DSCAM: variants seen among roughly 807,000 people sequenced by gnomAD.
The protein encoded by DSCAM is cell adhesion molecule DSCAM.
Under a neutral mutation model 217.7 loss-of-function variants are expected in DSCAM, and 47 were observed. That is an observed-to-expected ratio of 0.22 (90% CI 0.17 to 0.28). The LOEUF is 0.28. Ranked by LOEUF, DSCAM falls within the 10% of genes least tolerant of loss-of-function variation. The pLI, the probability that DSCAM is intolerant of heterozygous loss-of-function variation, is 1.00. For missense variants in DSCAM, 2,080 were observed against 2,618.3 expected (o/e 0.79, Z 4.49); for synonymous variants, 1,056 against 1,015.3 (o/e 1.04, Z -0.76).
intron 8 of DSCAM, among the ~76,000 whole-genome samples, chr21:40,329,326 C>CA (rs912798884): frequency 4.6e-5 from 7 of 151,374 alleles, no homozygotes; most frequent in African/African-American, 1.2e-4. Context: ...CAATGGTTGC[C>CA]AAAAAAAGGG....
At chr21:40,442,618 CAAG>C (rs1177269559) in intron 3 of DSCAM, among the ~76,000 whole-genome samples, 69 of 142,808 alleles carry the variant, frequency 4.8e-4, no homozygotes, top group African/African-American at 1.7e-3. Flanking sequence ...CTCCCAGGTT[CAAG>C]AAGTTCTTCT....
Position 40,708,632 on chromosome 21 carries a change from G to C in DSCAM, c.183C>G (p.Ala61=), listed in dbSNP as rs769438134. ...IPPVTLRWYL[A]TGEEIYDVPG... is the part of the protein sequence containing the mutation. ...GGACATCGTAGATCTCCTCGCCCGT[G>C]GCTAGGTACCATCTGAGAGTCACAG... is the stretch of plus-strand genomic sequence containing the variant. Residue 61 remains alanine (A), a synonymous_variant, in exon 2 of 33, where the codon GCC becomes GCG. Coordinates refer to ENST00000400454, the MANE Select transcript of DSCAM (RefSeq NM_001389.5). 3.1e-6 allele frequency: 5 copies of C among 1,613,348 alleles called. No individual in the cohort carries two copies. Among genetic ancestry groups the C allele is most frequent in the Non-Finnish European group, 4.2e-6 (5 of 1,179,682 alleles).
At chr21:40,353,244 T>TTTC (rs2074653084) in intron 5 of DSCAM, among the ~76,000 whole-genome samples, 1 of 152,210 alleles carries the variant, frequency 6.6e-6, no homozygotes, top group Admixed American at 6.5e-5. Context: ...ATCAGAAAGA[T>TTTC]TTCAAATCAA....
At chr21:40,546,921 G>A (rs1258475786) in intron 3 of DSCAM, among the ~76,000 whole-genome samples, 1 of 152,086 alleles carries the variant, frequency 6.6e-6, no homozygotes, top group Non-Finnish European at 1.5e-5. Context: ...GGGCTGGGGT[G>A]GGAGCCTGGA....
chr21:40,345,247 A>G (rs1156767422), intron 6 of DSCAM, among the ~76,000 whole-genome samples: 1 of 151,978 alleles, frequency 6.6e-6, no homozygotes, highest in African/African-American at 2.4e-5. Flanking sequence ...ATTTGTTTCT[A>G]TCGTTTGCTT....
At position 40,416,051 on chromosome 21, in the gene DSCAM, T is replaced by C. The variant is rs147834701; in HGVS notation, c.509-46806A>G. Among the ~76,000 whole-genome samples the C allele has an allele frequency of 4.3e-3, 651 of 152,216 alleles. 1 individual carries two copies. The highest frequency in any genetic ancestry group is 6.4e-3 in the South Asian group (31 of 4,828). On this transcript the variant is annotated intron_variant, in intron 3 of 32. Transcript: ENST00000400454. Reference sequence around the variant, plus strand: ...GACTTCATCAGTTTTTCTGTGCAAATATATTTTTTTCAATAAAATGACCTG... The same window carrying C: ...GACTTCATCAGTTTTTCTGTGCAAACATATTTTTTTCAATAAAATGACCTG...
intron 1 of DSCAM, among the ~76,000 whole-genome samples, chr21:40,843,983 A>C (rs961102461): frequency 1.3e-5 from 2 of 152,112 alleles, no homozygotes; most frequent in African/African-American, 4.8e-5. Context: ...AATGAAAAAA[A>C]AAAGTTATCA....
intron 1 of DSCAM, 42 bp from the exon 2 acceptor site, chr21:40,708,813 T>A: frequency 7.4e-7 from 1 of 1,356,086 alleles, no homozygotes; most frequent in Non-Finnish European, 9.7e-7. Context: ...GAGTAAAACA[T>A]GCCTTTGACA....
At chr21:40,772,732 G>A (rs1244321231) in intron 1 of DSCAM, among the ~76,000 whole-genome samples, 3 of 152,198 alleles carry the variant, frequency 2.0e-5, no homozygotes, top group East Asian at 3.9e-4. Flanking sequence ...GGCATCTGCT[G>A]TGCTGTGCAA....
At chr21:40,515,094 T>C (rs972180891) in intron 3 of DSCAM, among the ~76,000 whole-genome samples, 2 of 152,222 alleles carry the variant, frequency 1.3e-5, no homozygotes, top group Non-Finnish European at 2.9e-5. Context: ...ATTAGTAGGG[T>C]AATTCCTACT....
chr21:40,723,188 C>T (rs1001878186), intron 1 of DSCAM, among the ~76,000 whole-genome samples: 1 of 150,712 alleles, frequency 6.6e-6, no homozygotes, highest in Non-Finnish European at 1.5e-5. Flanking sequence ...GGTTAAGAAA[C>T]TGTGAGTAGA....
intron 1 of DSCAM, among the ~76,000 whole-genome samples, chr21:40,719,226 C>T (rs2090876151): frequency 6.6e-6 from 1 of 152,120 alleles, no homozygotes; most frequent in South Asian, 2.1e-4. Context: ...TGCCACTGGT[C>T]ATTAAGAAAA....
At chr21:40,260,437 T>C (rs932721831) in intron 11 of DSCAM, among the ~76,000 whole-genome samples, 6 of 152,240 alleles carry the variant, frequency 3.9e-5, no homozygotes, top group African/African-American at 1.2e-4. Context: ...CCCTGTAGCA[T>C]GGACACTTGC....
intron 21 of DSCAM, 144 bp downstream of exon 21, chr21:40,093,577 G>GA: frequency 1.0e-6 from 1 of 1,003,502 alleles, no homozygotes; most frequent in African/African-American, 1.6e-5. Context: ...GAGCTTGTTA[G>GA]CCACAACCCT....
chr21:40,836,811 A>C (rs1297053525), intron 1 of DSCAM, among the ~76,000 whole-genome samples: 1 of 152,194 alleles, frequency 6.6e-6, no homozygotes, highest in African/African-American at 2.4e-5. Flanking sequence ...CATAACAAAC[A>C]TGGAAACCAT....
At chr21:40,249,907 A>G (rs566903204) in intron 11 of DSCAM, among the ~76,000 whole-genome samples, 3 of 152,298 alleles carry the variant, frequency 2.0e-5, no homozygotes, top group African/African-American at 7.2e-5. Flanking sequence ...ATTTTGTCTG[A>G]GATCAAGGCC....
At chr21:40,158,485 G>A (rs2090504158) in intron 16 of DSCAM, among the ~76,000 whole-genome samples, 1 of 152,220 alleles carries the variant, frequency 6.6e-6, no homozygotes, top group Non-Finnish European at 1.5e-5. Flanking sequence ...TGTTAGGAAT[G>A]TGCTAGAAGC....
intron 1 of DSCAM, among the ~76,000 whole-genome samples, chr21:40,793,975 C>T (rs986289180): frequency 5.3e-5 from 8 of 152,024 alleles, no homozygotes; most frequent in South Asian, 2.1e-4. Context: ...TAGTATTTTG[C>T]GTTTCTGATT....
At position 40,366,071 on chromosome 21, in the gene DSCAM, TTTTC is replaced by T. The variant is rs1170095574; in HGVS notation, c.655+3024_655+3027del. On this transcript the variant is annotated intron_variant, in intron 4 of 32. Transcript: ENST00000400454. Reference sequence around the variant, plus strand: ...TATTTTCTGGCTGTCTAAATGATATTTTTCTTTATCTTTACAGCTCAAAAATTTT... The same window carrying T: ...TATTTTCTGGCTGTCTAAATGATATTTTTATCTTTACAGCTCAAAAATTTT... 5.9e-5 allele frequency among the ~76,000 whole-genome samples: 9 copies of T among 152,314 alleles called. No homozygotes were observed. In the South Asian group the frequency reaches 1.7e-3, roughly 28 times the overall value.
Sources: allele counts gnomAD v4.1 joint callset (sites outside exome capture counted in the v4.1 genomes callset), GRCh38; gene constraint gnomAD v4.1.1; transcripts MANE v1.5; gene names NCBI Gene and HGNC (gene_info 2026-07-23, HGNC 2026-07-21).